The following PLEKHA6 variants were observed in gnomAD, a reference collection of about 807,000 sequenced individuals.
PLEKHA6 encodes pleckstrin homology domain containing A6, also known as pleckstrin homology domain-containing family A member 6.
PLEKHA6 carries 60 observed loss-of-function variants against 116.7 expected under a neutral mutation model. The observed-to-expected ratio is 0.51, with a 90% CI of 0.42 to 0.64. The LOEUF (loss-of-function observed/expected upper bound fraction) is 0.64. PLEKHA6 is among the 30% of genes least tolerant of loss of function. PLEKHA6 has a pLI of 0.00. For missense variants in PLEKHA6, 1,338 were observed against 1,422.7 expected (o/e 0.94, Z 0.96); for synonymous variants, 489 against 556.1 (o/e 0.88, Z 1.70).
Position 204,257,219 on chromosome 1 carries a change from G to A in PLEKHA6, c.1524+134C>T. On this transcript the variant is annotated intron_variant, in intron 9 of 22. Transcript: ENST00000272203. This position sits in a 1 kb window ranked among gnomAD's most constrained non-coding sequence, Gnocchi z 6.5. ...GCCAGGGGCTCCGCTGGGCAGCACTGCTGGTCCTGCAGACAAACGGCCCAG... is the reference window on the plus strand; with the variant it reads ...GCCAGGGGCTCCGCTGGGCAGCACTACTGGTCCTGCAGACAAACGGCCCAG... 3 of 839,128 alleles carry A rather than the reference G, an allele frequency of 3.6e-6. No homozygotes were observed. The highest frequency in any genetic ancestry group is 2.7e-5 in the East Asian group (1 of 37,674). 52.0% of individuals were successfully genotyped at this position (839,128 alleles called of 1,614,324 possible).
At chr1:204,347,606 G>A (rs1438958526) in intron 1 of PLEKHA6, among the ~76,000 whole-genome samples, 1 of 151,652 alleles carries the variant, frequency 6.6e-6, no homozygotes, top group Non-Finnish European at 1.5e-5. Flanking sequence ...AAGTGTCCAT[G>A]AAATCTTCAC....
chr1:204,289,016 G>A (rs941192445), intron 1 of PLEKHA6, among the ~76,000 whole-genome samples: 5 of 152,154 alleles, frequency 3.3e-5, no homozygotes, highest in Non-Finnish European at 7.4e-5. Context: ...TGATTTGGGG[G>A]AAATCTAAAA....
Position 204,249,609 on chromosome 1 carries a change from C to T in PLEKHA6, c.1594-345G>A, listed in dbSNP as rs185585379. ...TCTTAGGCTGGACTGAAGAGGTGGG[C>T]CGGGTGTCAGAACAAGCAGTCTTAG... On this transcript the variant is annotated intron_variant, in intron 10 of 22. Transcript: ENST00000272203. Among the ~76,000 whole-genome samples the T allele has an allele frequency of 1.1e-4, 17 of 152,294 alleles. 1 individual carries two copies. Among genetic ancestry groups the T allele is most frequent in the East Asian group, 5.8e-4 (3 of 5,170 alleles).
intron 17 of PLEKHA6, among the ~76,000 whole-genome samples, chr1:204,236,038 G>C (rs1661998500): frequency 6.6e-6 from 1 of 152,158 alleles, no homozygotes; most frequent in Non-Finnish European, 1.5e-5. Context: ...CCCATGAGGA[G>C]GTATGCTACA....
chr1:204,259,206 G>A lies in PLEKHA6; in HGVS notation c.1007+52C>T, dbSNP rs563922597. On this transcript the variant is annotated intron_variant, in intron 8 of 22. Coordinates refer to ENST00000272203, the MANE Select transcript of PLEKHA6 (RefSeq NM_014935.5). This position sits in a 1 kb window ranked among gnomAD's most constrained non-coding sequence, Gnocchi z 4.6. ...TCGTGGGCTATGACCCCACTCGCAC[G>A]CTCTAGCCATAATACCATATCAGCC... 55 of 1,576,556 alleles carry A rather than the reference G, an allele frequency of 3.5e-5. No individual in the cohort carries two copies. The East Asian group carries it at 7.6e-4, about 22-fold the overall frequency.
intron 1 of PLEKHA6, among the ~76,000 whole-genome samples, chr1:204,305,134 T>C (rs559973753): frequency 5.9e-5 from 9 of 152,200 alleles, no homozygotes; most frequent in African/African-American, 2.2e-4. Flanking sequence ...AACAGAGACA[T>C]AGACCCAGTG....
intron 2 of PLEKHA6, among the ~76,000 whole-genome samples, chr1:204,370,824 T>C: frequency 6.6e-6 from 1 of 151,988 alleles, no homozygotes; most frequent in East Asian, 1.9e-4. Context: ...GAAGTCGAGG[T>C]GGGTGGATCA....
intron 5 of PLEKHA6, among the ~76,000 whole-genome samples, chr1:204,266,023 C>T (rs921980539): frequency 6.6e-6 from 1 of 152,158 alleles, no homozygotes; most frequent in Non-Finnish European, 1.5e-5. Context: ...CTATTTGTTC[C>T]CCAGGCTGGG....
chr1:204,297,943 C>T (rs1324316846), intron 1 of PLEKHA6: 2 of 974,236 alleles, frequency 2.1e-6, no homozygotes. Flanking sequence ...TCCCCCTACT[C>T]CTCATATCTC....
intron 1 of PLEKHA6, among the ~76,000 whole-genome samples, chr1:204,312,474 A>G (rs762131219): frequency 6.6e-6 from 1 of 152,162 alleles, no homozygotes; most frequent in Non-Finnish European, 1.5e-5. Context: ...GTGCTTTCCT[A>G]CAACCTGCCC....
upstream of PLEKHA6, among the ~76,000 whole-genome samples, chr1:204,363,731 G>GGGAT (rs957465156): frequency 1.3e-5 from 2 of 152,160 alleles, no homozygotes; most frequent in African/African-American, 4.8e-5. Context: ...GAGGTGGCAG[G>GGGAT]GGATGGGAAA....
chr1:204,230,631 C>A, intron 17 of PLEKHA6, 45 bp from the exon 18 acceptor site: 1 of 1,517,864 alleles, frequency 6.6e-7, no homozygotes, highest in Non-Finnish European at 8.9e-7. Context: ...CCTTATCCCC[C>A]ACCCAGCTTT....
intron 1 of PLEKHA6, among the ~76,000 whole-genome samples, chr1:204,316,440 A>T (rs1280077841): frequency 6.6e-6 from 1 of 152,190 alleles, no homozygotes; most frequent in Non-Finnish European, 1.5e-5. Flanking sequence ...AATGCTTTCA[A>T]TGGGTGAGTC....
At chr1:204,286,013 A>G (rs1669137037) in intron 1 of PLEKHA6, among the ~76,000 whole-genome samples, 1 of 152,000 alleles carries the variant, frequency 6.6e-6, no homozygotes, top group Admixed American at 6.6e-5. Flanking sequence ...AGGGTAGAGG[A>G]AGTACCACCA....
rs763343554 is a variant in PLEKHA6, at chr1:204,259,791, T to A, written c.525-51A>T. The A allele has an allele frequency of 6.5e-7, 1 of 1,546,420 alleles. No individual in the cohort carries two copies. Among genetic ancestry groups the A allele is most frequent in the East Asian group, 2.3e-5 (1 of 44,234 alleles). On this transcript the variant is annotated intron_variant, in intron 7 of 22. Coordinates refer to ENST00000272203, the MANE Select transcript of PLEKHA6 (RefSeq NM_014935.5). This position sits in a 1 kb window ranked among gnomAD's most constrained non-coding sequence, Gnocchi z 4.6. ...TCAGTGACTCTAGCCCAGCATGGAGTGGGGCAGGGGGTGCCAGACTGGGAA... is the reference window on the plus strand; with the variant it reads ...TCAGTGACTCTAGCCCAGCATGGAGAGGGGCAGGGGGTGCCAGACTGGGAA...
At position 204,278,115 on chromosome 1, in the gene PLEKHA6, G is replaced by A. The variant is rs138644744; in HGVS notation, c.-94-3306C>T. 4.1e-3 allele frequency among the ~76,000 whole-genome samples: 626 copies of A among 152,258 alleles called. 1 individual carries two copies. The highest frequency in any genetic ancestry group is 0.014 in the African/African-American group (595 of 41,534). ...TGTTAATTCCCCTGAATTCTTCAGC[G>A]GCTAAAGATGGTCAGCGCTCCCCCC... On this transcript the variant is annotated intron_variant, in intron 1 of 22. Transcript: ENST00000272203.
At chr1:204,337,561 G>T (rs1052024353) in intron 1 of PLEKHA6, among the ~76,000 whole-genome samples, 1 of 152,184 alleles carries the variant, frequency 6.6e-6, no homozygotes, top group Non-Finnish European at 1.5e-5. Flanking sequence ...AAGAATTAAT[G>T]AGCTCTCGTT....
At position 204,223,832 on chromosome 1, in the gene PLEKHA6, T is replaced by C. The variant is rs1157752277; in HGVS notation, c.3032-247A>G. 1.3e-5 allele frequency among the ~76,000 whole-genome samples: 2 copies of C among 152,084 alleles called. No homozygotes were observed. The highest frequency in any genetic ancestry group is 2.9e-5 in the Non-Finnish European group (2 of 68,010). ...GCTCTGCTGAGAACCAGTGTGACTGTGGGTAAGGCCAGGCCATCTCTGGGC... is the reference window on the plus strand; with the variant it reads ...GCTCTGCTGAGAACCAGTGTGACTGCGGGTAAGGCCAGGCCATCTCTGGGC... On this transcript the variant is annotated intron_variant, in intron 21 of 22. Coordinates refer to ENST00000272203, the MANE Select transcript of PLEKHA6 (RefSeq NM_014935.5). The surrounding 1 kb of genome is among the most constrained non-coding windows in gnomAD (Gnocchi z 4.8).
At chr1:204,247,953 TA>T (rs10667581) in intron 12 of PLEKHA6, among the ~76,000 whole-genome samples, 9 of 148,448 alleles carry the variant, frequency 6.1e-5, no homozygotes, top group South Asian at 2.1e-4. Flanking sequence ...ACCCTGTTCT[TA>T]AAAAAAAAAA....
Sources: gnomAD v4.1 joint callset for allele counts (sites outside exome capture counted in the v4.1 genomes callset) on GRCh38, gnomAD v4.1.1 for gene constraint, Gnocchi (gnomAD v3.1) non-coding constraint, MANE v1.5 for transcripts, NCBI Gene and HGNC (gene_info 2026-07-23, HGNC 2026-07-21) for gene names.